Variants in HSD17B4 observed in about 807,000 individuals in gnomAD.
HSD17B4 encodes the protein hydroxysteroid 17-beta dehydrogenase 4.
In HSD17B4, 70 loss-of-function variants were observed where a neutral mutation model predicts 101.0. That is an observed-to-expected ratio of 0.69 (90% CI 0.57 to 0.85). The LOEUF is 0.85. HSD17B4 is among the 40% of genes least tolerant of loss of function. The pLI, the probability that HSD17B4 is intolerant of heterozygous loss-of-function variation, is 0.00. For missense variants in HSD17B4, 984 were observed against 892.4 expected, an observed-to-expected ratio of 1.10 and a Z score of -1.31; for synonymous variants, 347 against 297.1, an observed-to-expected ratio of 1.17 and a Z score of -1.73.
chr5:119,525,070 T>C (rs986151220), intron 17 of HSD17B4, 146 bp from the exon 18 acceptor site: 3 of 609,276 alleles, frequency 4.9e-6, no homozygotes, highest in Non-Finnish European at 8.8e-6. Context: ...TAATCTTTAT[T>C]GTTAAAAATA....
intron 15 of HSD17B4, among the ~76,000 whole-genome samples, chr5:119,507,913 C>A (rs1751808598): frequency 6.6e-6 from 1 of 151,750 alleles, no homozygotes; most frequent in East Asian, 1.9e-4. Context: ...GATTTTGGAA[C>A]CCAAGAACAG....
chr5:119,533,754 T>A (rs1192959475), intron 22 of HSD17B4, among the ~76,000 whole-genome samples: 1 of 152,064 alleles, frequency 6.6e-6, no homozygotes, highest in Non-Finnish European at 1.5e-5. Flanking sequence ...AATTAGTAGT[T>A]GGAACCAAGA....
intron 20 of HSD17B4, among the ~76,000 whole-genome samples, chr5:119,527,967 AAGAC>A (rs1314977311): frequency 3.3e-5 from 5 of 152,132 alleles, no homozygotes; most frequent in Non-Finnish European, 7.4e-5. Flanking sequence ...AAGTTATTAA[AAGAC>A]AGTTTTTGTT....
intron 2 of HSD17B4, among the ~76,000 whole-genome samples, chr5:119,466,630 T>C (rs192082752): frequency 9.2e-5 from 14 of 152,276 alleles, no homozygotes; most frequent in Middle Eastern, 3.4e-3. Flanking sequence ...TTCTGTGGTA[T>C]CAGTTGTAAA....
intron 2 of HSD17B4, among the ~76,000 whole-genome samples, chr5:119,466,374 T>C (rs889862357): frequency 1.3e-5 from 2 of 152,196 alleles, no homozygotes; most frequent in Admixed American, 6.5e-5. Flanking sequence ...TGAAATAGTT[T>C]GAGAGGAATT....
intron 16 of HSD17B4, among the ~76,000 whole-genome samples, chr5:119,511,527 G>C (rs1381337787): frequency 1.3e-5 from 2 of 152,126 alleles, no homozygotes; most frequent in African/African-American, 4.8e-5. Flanking sequence ...AAATAGAACA[G>C]TAATCTAGCA....
At chr5:119,469,699 C>G (rs1433910055) in intron 2 of HSD17B4, among the ~76,000 whole-genome samples, 1 of 152,150 alleles carries the variant, frequency 6.6e-6, no homozygotes. Context: ...ATTTGTGTGT[C>G]TAGTAGAACA....
chr5:119,495,757 G>T, intron 11 of HSD17B4: 1 of 183,006 alleles, frequency 5.5e-6, no homozygotes, highest in South Asian at 8.9e-5. Context: ...TACAACCTCT[G>T]CCCCTTGGGT....
At chr5:119,486,382 A>T (rs965508263) in intron 8 of HSD17B4, among the ~76,000 whole-genome samples, 13 of 152,168 alleles carry the variant, frequency 8.5e-5, no homozygotes, top group African/African-American at 3.1e-4. Context: ...GCATTTCCAT[A>T]ACTTGTGTCT....
Position 119,477,444 on chromosome 5 carries a change from GT to G in HSD17B4, c.379del (p.Ser127HisfsTer4). The G allele has an allele frequency of 6.2e-7, 1 of 1,612,240 alleles. No individual in the cohort carries two copies. The highest frequency in any genetic ancestry group is 8.5e-7 in the Non-Finnish European group (1 of 1,178,466). On this transcript the variant is annotated frameshift_variant, in exon 7 of 24. Coordinates refer to ENST00000510025, the MANE Select transcript of HSD17B4 (RefSeq NM_000414.4). LOFTEE classifies it high-confidence loss of function. ...WDIIHRVHLR[G>X]SFQVTRAAWE... ...ATAATCCACAGAGTTCATTTGCGGG[GT>G]TCATTCCAAGTGACACGGGCAGCAT... is the stretch of plus-strand genomic sequence containing the variant.
At chr5:119,475,774 A>T (rs775250197) in intron 5 of HSD17B4, 47 bp downstream of exon 5, 11 of 1,582,946 alleles carry the variant, frequency 6.9e-6, no homozygotes, top group Admixed American at 6.7e-5. Flanking sequence ...TAATTTTTTT[A>T]AAAAGTATAT....
chr5:119,464,287 C>T (rs192249369), intron 2 of HSD17B4, among the ~76,000 whole-genome samples: 306 of 152,018 alleles, frequency 2.0e-3, no homozygotes, highest in African/African-American at 6.8e-3. Flanking sequence ...AAGTGTTTCC[C>T]GTATGTTTTC....
intron 16 of HSD17B4, chr5:119,509,473 A>G (rs760386738): frequency 5.5e-4 from 369 of 669,654 alleles, no homozygotes; most frequent in Non-Finnish European, 8.5e-4. Context: ...CTTTATGATG[A>G]TCTACTTCCA....
At chr5:119,463,255 G>A (rs186246708) in intron 2 of HSD17B4, among the ~76,000 whole-genome samples, 2 of 152,182 alleles carry the variant, frequency 1.3e-5, no homozygotes, top group East Asian at 3.9e-4. Context: ...CCATGCATCT[G>A]TTGATGAACG....
At chr5:119,528,691 G>A (rs1753807775) in intron 20 of HSD17B4, among the ~76,000 whole-genome samples, 1 of 152,064 alleles carries the variant, frequency 6.6e-6, no homozygotes, top group African/African-American at 2.4e-5. Context: ...TGCAATTCTG[G>A]TGATGAATAG....
chr5:119,480,029 G>GT (rs1748974569), intron 8 of HSD17B4, among the ~76,000 whole-genome samples: 1 of 152,076 alleles, frequency 6.6e-6, no homozygotes, highest in East Asian at 1.9e-4. Flanking sequence ...TGGATTTTAG[G>GT]TTTTCTAATA....
At chr5:119,485,243 T>C (rs2126726801) in intron 8 of HSD17B4, among the ~76,000 whole-genome samples, 1 of 152,284 alleles carries the variant, frequency 6.6e-6, no homozygotes, top group Non-Finnish European at 1.5e-5. Flanking sequence ...AAGCCGTACG[T>C]TTTCAAGAAA....
intron 2 of HSD17B4, among the ~76,000 whole-genome samples, chr5:119,466,915 G>A (rs1246485256): frequency 6.6e-6 from 1 of 151,992 alleles, no homozygotes; most frequent in African/African-American, 2.4e-5. Context: ...GGCATTTATT[G>A]CTATAGGCTT....
intron 23 of HSD17B4, among the ~76,000 whole-genome samples, chr5:119,541,237 C>G (rs1754962131): frequency 6.6e-6 from 1 of 152,146 alleles, no homozygotes; most frequent in Non-Finnish European, 1.5e-5. Flanking sequence ...ACTCTCTTAT[C>G]ACATGTCAAA....
Sources: allele counts gnomAD v4.1 joint callset (sites outside exome capture counted in the v4.1 genomes callset), GRCh38; gene constraint gnomAD v4.1.1; transcripts MANE v1.5; gene names NCBI Gene and HGNC (gene_info 2026-07-23, HGNC 2026-07-21).